Variants in TRAPPC12 observed in about 807,000 individuals in gnomAD.
The protein encoded by TRAPPC12 is TPR repeat protein 15.
TRAPPC12 carries 61 observed loss-of-function variants against 69.2 expected under a neutral mutation model. The ratio of observed to expected loss-of-function variants is 0.88; its 90% CI spans 0.72 to 1.09. The LOEUF is 1.09. Among genes scored for constraint, TRAPPC12 ranks in the 50% least tolerant of loss-of-function variants. The probability of loss-of-function intolerance (pLI) is 0.00; values close to 1 mark genes in which losing one functional copy is unlikely to be tolerated. For synonymous variants in TRAPPC12, 469 were observed against 438.9 expected, an observed-to-expected ratio of 1.07 and a Z score of -0.86; for missense variants, 1,101 against 1,016.4, an observed-to-expected ratio of 1.08 and a Z score of -1.13.
At chr2:3,410,868 A>G (rs1040048381) in intron 3 of TRAPPC12, among the ~76,000 whole-genome samples, 2 of 152,144 alleles carry the variant, frequency 1.3e-5, no homozygotes, top group African/African-American at 4.8e-5. Flanking sequence ...CGTCTCTAGT[A>G]AAAATACAAA....
intron 7 of TRAPPC12, among the ~76,000 whole-genome samples, chr2:3,459,569 G>A (rs189115826): frequency 8.3e-4 from 126 of 152,314 alleles, no homozygotes; most frequent in African/African-American, 2.9e-3. Context: ...TTTGAAATCA[G>A]TGGAGGGATG....
intron 2 of TRAPPC12, among the ~76,000 whole-genome samples, chr2:3,389,957 T>C (rs982539673): frequency 2.0e-5 from 3 of 151,850 alleles, no homozygotes; most frequent in Non-Finnish European, 4.4e-5. Flanking sequence ...AAAAGAAGGC[T>C]AAAACAAAGT....
chr2:3,438,357 A>G (rs1250188978), intron 5 of TRAPPC12, among the ~76,000 whole-genome samples: 2 of 74,128 alleles, frequency 2.7e-5, no homozygotes, highest in African/African-American at 5.4e-5. Flanking sequence ...TCACCCCTGG[A>G]TTAATACTTC....
At chr2:3,418,957 G>T (rs1662610983) in intron 3 of TRAPPC12, among the ~76,000 whole-genome samples, 1 of 152,022 alleles carries the variant, frequency 6.6e-6, no homozygotes, top group Admixed American at 6.5e-5. Context: ...ATCCACACCT[G>T]CTCGGCCCCT....
intron 7 of TRAPPC12, 165 bp from the exon 8 acceptor site, chr2:3,460,098 G>T (rs900697615): frequency 2.9e-6 from 2 of 698,974 alleles, no homozygotes; most frequent in Non-Finnish European, 2.6e-6. Flanking sequence ...TGTATTTTCT[G>T]CCTCAGTGCA....
At chr2:3,383,879 T>G (rs1345662462) in intron 1 of TRAPPC12, among the ~76,000 whole-genome samples, 36 of 16,632 alleles carry the variant, frequency 2.2e-3, no homozygotes, top group African/African-American at 0.016. Flanking sequence ...TTGTTTTTTT[T>G]TTTTTTTTTT....
At chr2:3,431,995 A>G (rs181268499) in intron 5 of TRAPPC12, among the ~76,000 whole-genome samples, 1 of 152,364 alleles carries the variant, frequency 6.6e-6, no homozygotes, top group African/African-American at 2.4e-5. Context: ...AATGGCAGTG[A>G]GCATGTAAAC....
At chr2:3,396,051 G>A (rs1003907733) in intron 2 of TRAPPC12, among the ~76,000 whole-genome samples, 1 of 152,084 alleles carries the variant, frequency 6.6e-6, no homozygotes, top group African/African-American at 2.4e-5. Flanking sequence ...TTTTAGTAGA[G>A]ACAGGGCTTC....
At chr2:3,381,315 A>ATT (rs907740525) in intron 1 of TRAPPC12, among the ~76,000 whole-genome samples, 75 of 152,344 alleles carry the variant, frequency 4.9e-4, no homozygotes, top group African/African-American at 1.7e-3. Context: ...TTGGTAAAAG[A>ATT]TATGTTTACA....
intron 9 of TRAPPC12, among the ~76,000 whole-genome samples, chr2:3,468,170 C>A (rs556116087): frequency 6.6e-6 from 1 of 152,072 alleles, no homozygotes; most frequent in Non-Finnish European, 1.5e-5. Flanking sequence ...GTGGGCTGTT[C>A]CTGCTGCTCA....
chr2:3,402,015 T>C, intron 3 of TRAPPC12, 122 bp downstream of exon 3: 1 of 702,624 alleles, frequency 1.4e-6, no homozygotes, highest in East Asian at 2.8e-5. Flanking sequence ...ATAAGTAGAA[T>C]TTTGTTGGAG....
chr2:3,399,900 G>A (rs1022253503), intron 2 of TRAPPC12, among the ~76,000 whole-genome samples: 29 of 147,938 alleles, frequency 2.0e-4, no homozygotes, highest in African/African-American at 5.2e-4. Flanking sequence ...CAGGGGGCAC[G>A]CAGGCTTCTC....
chr2:3,464,898 C>T (rs1048921400), intron 8 of TRAPPC12, among the ~76,000 whole-genome samples: 1 of 152,236 alleles, frequency 6.6e-6, no homozygotes. Flanking sequence ...CGGGCCAGAC[C>T]ACCACAGGCA....
At chr2:3,420,815 G>A (rs1662739162) in intron 3 of TRAPPC12, among the ~76,000 whole-genome samples, 2 of 152,236 alleles carry the variant, frequency 1.3e-5, no homozygotes, top group African/African-American at 4.8e-5. Context: ...AGTAGTGCGT[G>A]TGTGAGTTAG....
chr2:3,403,986 T>C (rs1248997363), intron 3 of TRAPPC12, among the ~76,000 whole-genome samples: 1 of 152,228 alleles, frequency 6.6e-6, no homozygotes, highest in Non-Finnish European at 1.5e-5. Flanking sequence ...CTTAATTGAC[T>C]AGTTCTCTTG....
chr2:3,429,094 G>A (rs1663283912), intron 5 of TRAPPC12, among the ~76,000 whole-genome samples: 1 of 152,188 alleles, frequency 6.6e-6, no homozygotes, highest in Admixed American at 6.5e-5. Context: ...AGTTCCTTTC[G>A]TGGGTTGTGG....
intron 7 of TRAPPC12, among the ~76,000 whole-genome samples, chr2:3,458,728 C>T (rs781309169): frequency 5.9e-5 from 9 of 152,270 alleles, no homozygotes; most frequent in Non-Finnish European, 1.3e-4. Context: ...TGGTTGGGCT[C>T]CTGCTTTGGT....
intron 5 of TRAPPC12, among the ~76,000 whole-genome samples, chr2:3,441,174 GT>G (rs1192339397): frequency 6.6e-6 from 1 of 151,982 alleles, no homozygotes; most frequent in Non-Finnish European, 1.5e-5. Flanking sequence ...TCTTTGTCTG[GT>G]TTTGGTATTA....
At chr2:3,469,853 A>G (rs1665984760) in intron 9 of TRAPPC12, among the ~76,000 whole-genome samples, 1 of 152,248 alleles carries the variant, frequency 6.6e-6, no homozygotes, top group Non-Finnish European at 1.5e-5. Flanking sequence ...AGCATCCCTT[A>G]CAAATCACAT....
Sources: allele counts gnomAD v4.1 joint callset (sites outside exome capture counted in the v4.1 genomes callset), GRCh38; gene constraint gnomAD v4.1.1; transcripts MANE v1.5; gene names NCBI Gene and HGNC (gene_info 2026-07-23, HGNC 2026-07-21).